CAMK2D: variants seen among roughly 807,000 people sequenced by gnomAD.
CAMK2D encodes the protein calcium/calmodulin dependent protein kinase II delta.
Under a neutral mutation model 84.0 loss-of-function variants are expected in CAMK2D, and 37 were observed. The observed-to-expected ratio is 0.44, with a 90% CI of 0.34 to 0.58. CAMK2D has a LOEUF of 0.58. CAMK2D is among the 20% of genes least tolerant of loss of function. The pLI, the probability that CAMK2D is intolerant of heterozygous loss-of-function variation, is 0.02. For synonymous variants in CAMK2D, 202 were observed against 212.5 expected, an observed-to-expected ratio of 0.95 and a Z score of 0.43; for missense variants, 448 against 652.5, an observed-to-expected ratio of 0.69 and a Z score of 3.41.
At chr4:113,746,977 A>AAT (rs148764047) in intron 2 of CAMK2D, among the ~76,000 whole-genome samples, 5,272 of 145,556 alleles carry the variant, frequency 0.036, 288 homozygotes, top group African/African-American at 0.12. Context: ...TACCATTAAT[A>AAT]ATATATATAT....
Position 113,697,688 on chromosome 4 carries a change from A to C in CAMK2D, c.161-35916T>G, listed in dbSNP as rs77981907. Among the ~76,000 whole-genome samples the C allele has an allele frequency of 2.2e-3, 336 of 152,178 alleles. 2 individuals carry two copies. Among genetic ancestry groups the C allele is most frequent in the Non-Finnish European group, 4.1e-3 (281 of 67,990 alleles). On this transcript the variant is annotated intron_variant, in intron 2 of 20. Transcript: ENST00000511664. ...ACTAAGCCAGTTCTTATGAGAAATG[A>C]CTCATATAATACCTGTTTTAAGATA...
chr4:113,463,582 G>C (rs1280319198), intron 17 of CAMK2D, among the ~76,000 whole-genome samples: 1 of 152,152 alleles, frequency 6.6e-6, no homozygotes, highest in East Asian at 1.9e-4. Flanking sequence ...CTCCATGCTG[G>C]TCAGGCTGGT....
At chr4:113,468,693 A>AG (rs144035304) in intron 16 of CAMK2D, among the ~76,000 whole-genome samples, 9,394 of 152,080 alleles carry the variant, frequency 0.062, 590 homozygotes, top group East Asian at 0.21. Context: ...TTGTGTGGGG[A>AG]GGGGGTCCAT....
At chr4:113,726,514 T>C (rs944060034) in intron 2 of CAMK2D, among the ~76,000 whole-genome samples, 6 of 151,390 alleles carry the variant, frequency 4.0e-5, no homozygotes, top group African/African-American at 1.5e-4. Flanking sequence ...ACTGAGTAGC[T>C]GGGGCTACAG....
chr4:113,758,887 G>C (rs1479464897), intron 2 of CAMK2D, among the ~76,000 whole-genome samples: 1 of 152,146 alleles, frequency 6.6e-6, no homozygotes, highest in Non-Finnish European at 1.5e-5. Flanking sequence ...GATGAATTAA[G>C]TTCAAGTGTA....
intron 4 of CAMK2D, among the ~76,000 whole-genome samples, chr4:113,569,283 G>A (rs1437335404): frequency 6.6e-6 from 1 of 152,118 alleles, no homozygotes; most frequent in African/African-American, 2.4e-5. Context: ...TTGTGCTTTT[G>A]TGTCATATCC....
chr4:113,751,534 G>T (rs901939505), intron 2 of CAMK2D, among the ~76,000 whole-genome samples: 5 of 152,120 alleles, frequency 3.3e-5, no homozygotes, highest in African/African-American at 1.2e-4. Flanking sequence ...CACTTTGGAA[G>T]GCCTAAGTGG....
chr4:113,687,346 C>G lies in CAMK2D; in HGVS notation c.161-25574G>C, dbSNP rs2099362898. Among the ~76,000 whole-genome samples the G allele has an allele frequency of 2.0e-5, 3 of 152,294 alleles. No individual in the cohort carries two copies. In the South Asian group the frequency reaches 6.2e-4, roughly 32 times the overall value. On this transcript the variant is annotated intron_variant, in intron 2 of 20. Coordinates refer to ENST00000511664, the MANE Select transcript of CAMK2D (RefSeq NM_001321571.2). ...GGATGTTTTTTAACTTACTAACCATCAATTGATCTTACATGTCATTTTCTG... is the reference window on the plus strand; with the variant it reads ...GGATGTTTTTTAACTTACTAACCATGAATTGATCTTACATGTCATTTTCTG...
chr4:113,606,900 A>G (rs1012593230), intron 4 of CAMK2D, among the ~76,000 whole-genome samples: 21 of 152,170 alleles, frequency 1.4e-4, no homozygotes, highest in African/African-American at 4.6e-4. Flanking sequence ...TAAAGCAGCC[A>G]GAGAGAACTA....
chr4:113,727,958 C>T (rs2099551247), intron 2 of CAMK2D, among the ~76,000 whole-genome samples: 1 of 152,068 alleles, frequency 6.6e-6, no homozygotes, highest in Non-Finnish European at 1.5e-5. Context: ...TAAAACCACA[C>T]TGAGATACCA....
At chr4:113,481,039 T>C (rs1270020878) in intron 16 of CAMK2D, among the ~76,000 whole-genome samples, 4 of 152,226 alleles carry the variant, frequency 2.6e-5, no homozygotes, top group Admixed American at 2.0e-4. Context: ...TTACCCAGTC[T>C]GTGATATTTT....
chr4:113,544,845 C>G (rs1405983013), intron 6 of CAMK2D, among the ~76,000 whole-genome samples: 1 of 152,128 alleles, frequency 6.6e-6, no homozygotes, highest in Non-Finnish European at 1.5e-5. Flanking sequence ...CCACTAGGTT[C>G]TGCCTGGTGC....
At chr4:113,693,139 A>C (rs1249925382) in intron 2 of CAMK2D, among the ~76,000 whole-genome samples, 1 of 152,154 alleles carries the variant, frequency 6.6e-6, no homozygotes. Flanking sequence ...ATGGAAGGCA[A>C]GAAGTATTCT....
intron 17 of CAMK2D, among the ~76,000 whole-genome samples, chr4:113,462,338 GTCTA>G (rs1215010791): frequency 2.5e-4 from 33 of 130,524 alleles, no homozygotes; most frequent in African/African-American, 7.4e-4. Flanking sequence ...CTGTCTGTCT[GTCTA>G]TCTATCTATC....
chr4:113,756,831 T>C (rs151111704), intron 2 of CAMK2D, among the ~76,000 whole-genome samples: 12 of 152,224 alleles, frequency 7.9e-5, no homozygotes, highest in African/African-American at 2.6e-4. Flanking sequence ...CAAGAGTTTA[T>C]AATTCAATAT....
chr4:113,624,573 G>C (rs78986306), intron 3 of CAMK2D, among the ~76,000 whole-genome samples: 1 of 152,096 alleles, frequency 6.6e-6, no homozygotes, highest in East Asian at 1.9e-4. Context: ...TTTCATACAA[G>C]TGAGACAACA....
intron 3 of CAMK2D, among the ~76,000 whole-genome samples, chr4:113,617,918 ACACT>A (rs2099028312): frequency 6.6e-6 from 1 of 152,020 alleles, no homozygotes; most frequent in Non-Finnish European, 1.5e-5. Flanking sequence ...TCATACACAC[ACACT>A]CACACAACAC....
At chr4:113,661,144 C>A (rs999116847) in intron 3 of CAMK2D, among the ~76,000 whole-genome samples, 14 of 152,068 alleles carry the variant, frequency 9.2e-5, no homozygotes, top group Non-Finnish European at 1.8e-4. Flanking sequence ...TCAAATGAGA[C>A]CTTATATTAT....
chr4:113,624,191 A>G (rs1225237377), intron 3 of CAMK2D, among the ~76,000 whole-genome samples: 3 of 152,174 alleles, frequency 2.0e-5, no homozygotes, highest in Non-Finnish European at 4.4e-5. Flanking sequence ...AATAAGTTTA[A>G]CCGCCTTGGA....
Sources: allele counts gnomAD v4.1 joint callset (sites outside exome capture counted in the v4.1 genomes callset), GRCh38; gene constraint gnomAD v4.1.1; transcripts MANE v1.5; gene names NCBI Gene and HGNC (gene_info 2026-07-23, HGNC 2026-07-21).